TMEM132B: variants seen among roughly 807,000 people sequenced by gnomAD.
TMEM132B encodes the protein transmembrane protein 132B.
In TMEM132B, 18 loss-of-function variants were observed where a neutral mutation model predicts 90.8. The ratio of observed to expected loss-of-function variants is 0.20; its 90% confidence interval spans 0.14 to 0.29. The LOEUF (loss-of-function observed/expected upper bound fraction) is 0.29. Among genes scored for constraint, TMEM132B ranks in the 10% least tolerant of loss-of-function variants. The pLI is 1.00. For synonymous variants in TMEM132B, 504 were observed against 523.3 expected, an observed-to-expected ratio of 0.96 and a Z score of 0.50; for missense variants, 1,096 against 1,326.8, an observed-to-expected ratio of 0.83 and a Z score of 2.70.
At chr12:125,274,380 A>G (rs570579105) in intron 1 of TMEM132B, among the ~76,000 whole-genome samples, 3 of 152,332 alleles carry the variant, frequency 2.0e-5, no homozygotes, top group Admixed American at 6.5e-5. Flanking sequence ...ACAGGCCTGA[A>G]TCCTCCAGGT....
rs993266572 is a variant in TMEM132B at position 125,460,119 on chromosome 12, A to C, written c.1106+44442A>C. ...ATTTTACCTGATGTGATTATTATGC[A>C]TTGCATGCCTGTGTCAAAACATCTC... On this transcript the variant is annotated intron_variant, in intron 3 of 8. Transcript: ENST00000682704. The surrounding 1 kb of genome is among the most constrained non-coding windows in gnomAD (Gnocchi z 4.4). 7.2e-5 allele frequency among the ~76,000 whole-genome samples: 11 copies of C among 152,220 alleles called. No homozygotes were observed. The highest frequency in any genetic ancestry group is 1.5e-4 in the Non-Finnish European group (10 of 68,044).
At chr12:125,450,281 T>TTGTG (rs1177783591) in intron 3 of TMEM132B, among the ~76,000 whole-genome samples, 1 of 152,176 alleles carries the variant, frequency 6.6e-6, no homozygotes, top group African/African-American at 2.4e-5. Context: ...GGTGAACCTG[T>TTGTG]TGTGTCTTGT....
chr12:125,211,148 G>A (rs1193642589), intron 1 of TMEM132B, among the ~76,000 whole-genome samples: 1 of 152,082 alleles, frequency 6.6e-6, no homozygotes. Flanking sequence ...GGGAGTCCAG[G>A]GATATCTGTG....
At chr12:125,266,096 G>A (rs958218075) in intron 1 of TMEM132B, among the ~76,000 whole-genome samples, 5 of 152,124 alleles carry the variant, frequency 3.3e-5, no homozygotes. Context: ...AGGTGTGGTG[G>A]CGGGCATCTG....
chr12:125,528,751 A>G (rs930089706), intron 4 of TMEM132B, among the ~76,000 whole-genome samples: 4 of 152,238 alleles, frequency 2.6e-5, no homozygotes, highest in Non-Finnish European at 4.4e-5. Flanking sequence ...ACTGTTGACT[A>G]GAAGCCTTAC....
At chr12:125,381,674 G>C (rs1878687551) in intron 2 of TMEM132B, among the ~76,000 whole-genome samples, 1 of 152,156 alleles carries the variant, frequency 6.6e-6, no homozygotes. Context: ...CTACTACTGT[G>C]TGTGTGTGTG....
At chr12:125,569,398 C>T (rs182879967) in intron 4 of TMEM132B, among the ~76,000 whole-genome samples, 309 of 152,232 alleles carry the variant, frequency 2.0e-3, no homozygotes, top group Non-Finnish European at 3.4e-3. Flanking sequence ...GTCACAGTGG[C>T]CTCGGATGCC....
Position 125,269,290 on chromosome 12 carries a change from C to T in TMEM132B, c.68-80162C>T, listed in dbSNP as rs1010570124. On this transcript the variant is annotated intron_variant, in intron 1 of 8. Transcript: ENST00000682704. ...GACTTGGAGGGTCTCCTTGCTGCTT[C>T]ACCTTCCTCCTGCGGCACCAGGAAA... is the stretch of plus-strand genomic sequence containing the variant. Among the ~76,000 whole-genome samples the T allele has an allele frequency of 1.1e-4, 16 of 152,320 alleles. No individual in the cohort carries two copies. The South Asian group carries it at 2.7e-3, about 26-fold the overall frequency.
intron 5 of TMEM132B, among the ~76,000 whole-genome samples, chr12:125,589,659 C>T (rs1031793498): frequency 6.6e-6 from 1 of 151,996 alleles, no homozygotes; most frequent in Non-Finnish European, 1.5e-5. Flanking sequence ...GAGGAGCAGA[C>T]ACATCTTACA....
intron 1 of TMEM132B, among the ~76,000 whole-genome samples, chr12:125,217,753 C>T (rs1006816124): frequency 2.0e-5 from 3 of 152,232 alleles, no homozygotes; most frequent in African/African-American, 7.2e-5. Context: ...CACGCCTGGC[C>T]TTCCTTCCTT....
chr12:125,324,418 A>C (rs943821872), intron 1 of TMEM132B, among the ~76,000 whole-genome samples: 4 of 152,240 alleles, frequency 2.6e-5, no homozygotes, highest in African/African-American at 9.6e-5. Context: ...TCTGAGAAGA[A>C]GAATTAATCA....
intron 3 of TMEM132B, among the ~76,000 whole-genome samples, chr12:125,455,714 G>C (rs1295093659): frequency 6.6e-6 from 1 of 150,736 alleles, no homozygotes; most frequent in African/African-American, 2.4e-5. Context: ...GTAATCACTT[G>C]TATGTTTCAC....
intron 3 of TMEM132B, among the ~76,000 whole-genome samples, chr12:125,454,914 A>G (rs1881250927): frequency 1.3e-5 from 2 of 152,212 alleles, no homozygotes; most frequent in African/African-American, 2.4e-5. Context: ...AGAACTTTAA[A>G]TGTAGAACTT....
chr12:125,558,445 G>A (rs1246989222), intron 4 of TMEM132B, among the ~76,000 whole-genome samples: 2 of 152,192 alleles, frequency 1.3e-5, no homozygotes, highest in African/African-American at 4.8e-5. Flanking sequence ...TTCGTTCAAT[G>A]TCTGGAGAAT....
intron 1 of TMEM132B, among the ~76,000 whole-genome samples, chr12:125,221,140 A>G (rs1873547812): frequency 6.6e-6 from 1 of 152,202 alleles, no homozygotes; most frequent in South Asian, 2.1e-4. Context: ...TGTCCAGCTG[A>G]TGTGACATAT....
chr12:125,409,650 GGAGTGGAGTGGAGT>G (rs1299374569), intron 2 of TMEM132B, among the ~76,000 whole-genome samples: 1 of 88,966 alleles, frequency 1.1e-5, no homozygotes, highest in African/African-American at 4.5e-5. Flanking sequence ...GGAGTGGAGT[GGAGTGGAGTGGAGT>G]GAGTGGAGTG....
intron 5 of TMEM132B, among the ~76,000 whole-genome samples, chr12:125,600,054 G>A (rs1885535604): frequency 6.6e-6 from 1 of 152,088 alleles, no homozygotes. Flanking sequence ...AAGGAGTTTG[G>A]GTTTTATGCT....
intron 1 of TMEM132B, among the ~76,000 whole-genome samples, chr12:125,201,246 G>A (rs893407357): frequency 1.3e-5 from 2 of 152,164 alleles, no homozygotes; most frequent in African/African-American, 2.4e-5. Context: ...CACAGGCTCC[G>A]AAGCAGCCTC....
At chr12:125,278,935 C>A (rs11058119) in intron 1 of TMEM132B, among the ~76,000 whole-genome samples, 6 of 152,198 alleles carry the variant, frequency 3.9e-5, no homozygotes, top group African/African-American at 1.4e-4. Context: ...GGATGTAACC[C>A]AGCGAGGGAA....
Sources: gnomAD v4.1 joint callset for allele counts (sites outside exome capture counted in the v4.1 genomes callset) on GRCh38, gnomAD v4.1.1 for gene constraint, Gnocchi (gnomAD v3.1) non-coding constraint, MANE v1.5 for transcripts, NCBI Gene and HGNC (gene_info 2026-07-23, HGNC 2026-07-21) for gene names.